Variants in IL3RA observed in about 807,000 individuals in gnomAD.
The protein encoded by IL3RA is interleukin-3 receptor subunit alpha.
Under a neutral mutation model 52.3 loss-of-function variants are expected in IL3RA, and 73 were observed. The observed-to-expected ratio is 1.40, with a 90% CI of 1.16 to 1.70. The LOEUF is 1.70. IL3RA is among the 40% of genes most tolerant of loss of function. The pLI is 0.00. For synonymous variants in IL3RA, 260 were observed against 194.0 expected, an observed-to-expected ratio of 1.34 and a Z score of -2.83; for missense variants, 664 against 504.4, an observed-to-expected ratio of 1.32 and a Z score of -3.03.
intron 8 of IL3RA, among the ~76,000 whole-genome samples, chrX:1,362,938 G>C (rs1229097818): frequency 6.6e-6 from 1 of 151,924 alleles, no homozygotes; most frequent in East Asian, 1.9e-4. Flanking sequence ...ACCACGCCTG[G>C]CTAATTTTTG....
chrX:1,344,634 G>A (rs1231876575), intron 2 of IL3RA, among the ~76,000 whole-genome samples: 14 of 150,398 alleles, frequency 9.3e-5, no homozygotes, highest in South Asian at 2.1e-4. Context: ...TTAGCCGGGC[G>A]TGGTGGTGGG....
chrX:1,363,910 C>A (rs1222719631), intron 8 of IL3RA, among the ~76,000 whole-genome samples: 2 of 151,502 alleles, frequency 1.3e-5, no homozygotes, highest in African/African-American at 4.9e-5. Context: ...TGGCTGGGCG[C>A]GGTGGCTCAC....
chrX:1,347,407 T>G (rs369694325), intron 3 of IL3RA, among the ~76,000 whole-genome samples: 1 of 151,362 alleles, frequency 6.6e-6, no homozygotes, highest in East Asian at 1.9e-4. Context: ...ATCGCGCCAC[T>G]GCACTCCAGC....
intron 11 of IL3RA, among the ~76,000 whole-genome samples, chrX:1,381,396 G>T (rs1336110503): frequency 6.6e-6 from 1 of 152,078 alleles, no homozygotes; most frequent in Non-Finnish European, 1.5e-5. Context: ...AAATGGCCTG[G>T]ACTAGGAGGC....
chrX:1,347,255 C>G (rs1390542044), intron 3 of IL3RA, among the ~76,000 whole-genome samples: 1 of 149,196 alleles, frequency 6.7e-6, no homozygotes, highest in Non-Finnish European at 1.5e-5. Context: ...ACCCTCCTGG[C>G]TAACACGGTG....
chrX:1,350,886 C>G (rs2086053002), intron 4 of IL3RA, among the ~76,000 whole-genome samples: 1 of 69,376 alleles, frequency 1.4e-5, no homozygotes, highest in Non-Finnish European at 3.1e-5. Flanking sequence ...GAAACTCTGT[C>G]TTAAACACAC....
chrX:1,343,128 GTTTGT>G (rs1330947608), intron 2 of IL3RA, among the ~76,000 whole-genome samples: 5 of 152,006 alleles, frequency 3.3e-5, no homozygotes, highest in African/African-American at 9.6e-5. Context: ...TCCCCAGACA[GTTTGT>G]TTTAAGGGAT....
rs1277821241 is a variant in IL3RA, at chrX:1,348,640, TTTTCTCTTTCTTTC to T, written c.298+101_298+114del. 1,493 of 721,696 alleles carry T rather than the reference TTTTCTCTTTCTTTC, an allele frequency of 2.1e-3. 49 individuals carry two copies. In the African/African-American group the frequency reaches 0.024, roughly 12 times the overall value. The allele number at this position is 721,696 out of a possible 1,614,324, so 44.7% of individuals were successfully genotyped here. A position where few individuals can be genotyped will look rare whatever the true frequency, so the allele number is the denominator to read the frequency against. On this transcript the variant is annotated intron_variant, in intron 4 of 11. Transcript: ENST00000331035. ...CTTCGCTGTGTCTTTTTTCTTTTCT[TTTTCTCTTTCTTTC>T]TTTCTTTCTTTCTTTCTTTCTTTCT...
At chrX:1,354,116 T>TCCCATCATGGGTCATGGGAGCC (rs1189204965) in intron 6 of IL3RA, among the ~76,000 whole-genome samples, 1 of 149,514 alleles carries the variant, frequency 6.7e-6, no homozygotes, top group African/African-American at 2.5e-5. Flanking sequence ...GGGTCATGGG[T>TCCCATCATGGGTCATGGGAGCC]CCCATCATGG....
chrX:1,360,015 A>C (rs111162406), intron 8 of IL3RA, among the ~76,000 whole-genome samples: 6,630 of 84,224 alleles, frequency 0.079, 252 homozygotes, highest in African/African-American at 0.15. Flanking sequence ...CCCGGTCTCT[A>C]TCTTCCCTTC....
intron 2 of IL3RA, 152 bp from the exon 3 acceptor site, chrX:1,345,164 A>C (rs1175129205): frequency 3.7e-6 from 2 of 539,670 alleles, no homozygotes; most frequent in Admixed American, 6.1e-5. Context: ...GTGAAACTCC[A>C]TGTCAAAAAA....
rs367747585 is a variant in IL3RA at position 1,378,663 on chromosome X, C to G, written c.879C>G (p.Cys293Trp). 3.7e-6 allele frequency: 6 copies of G among 1,611,948 alleles called. No homozygotes were observed. The highest frequency in any genetic ancestry group is 5.1e-6 in the Non-Finnish European group (6 of 1,179,610). ...SAWSTPQRFE[C>W]DQEEGANTRA... is the part of the protein sequence containing the mutation. Reference sequence around the variant, plus strand: ...CCTCTCACCCTTTACCCCTAGAGTGCGACCAGGAGGAGGGCGCAAACACAC... The same window carrying G: ...CCTCTCACCCTTTACCCCTAGAGTGGGACCAGGAGGAGGGCGCAAACACAC... Residue 293 changes from cysteine (C) to tryptophan (W), a missense_variant, in exon 10 of 12, where the codon TGC (cysteine) becomes TGG (tryptophan). Transcript: ENST00000331035.
At position 1,358,003 on chromosome X, in the gene IL3RA, G is replaced by A. The variant is rs752802139; in HGVS notation, c.733-858G>A. On this transcript the variant is annotated intron_variant, in intron 7 of 11. Coordinates refer to ENST00000331035, the MANE Select transcript of IL3RA (RefSeq NM_002183.4). ...GCCTGTAGTCCCAGCTACTTGGGAG[G>A]CTGAGGCAGGAGAATGGCGTAAACC... Among the ~76,000 whole-genome samples, 9 of 151,648 alleles carry A rather than the reference G, an allele frequency of 5.9e-5. No homozygotes were observed. In the East Asian group the frequency reaches 1.8e-3, roughly 30 times the overall value.
intron 10 of IL3RA, among the ~76,000 whole-genome samples, chrX:1,380,111 C>G (rs1397449486): frequency 6.6e-6 from 1 of 151,842 alleles, no homozygotes; most frequent in South Asian, 2.1e-4. Flanking sequence ...TCAGGCTGGT[C>G]TTGAACTCCT....
At position 1,361,458 on chromosome X, in the gene IL3RA, G is replaced by C. The variant is rs183109319; in HGVS notation, c.759+2571G>C. Reference sequence around the variant, plus strand: ...GTCTTACATGTCAGCGGGCAAGACAGAATGAGACAGTCGCCGGGCGCAGTG... The same window carrying C: ...GTCTTACATGTCAGCGGGCAAGACACAATGAGACAGTCGCCGGGCGCAGTG... On this transcript the variant is annotated intron_variant, in intron 8 of 11. Coordinates refer to ENST00000331035, the MANE Select transcript of IL3RA (RefSeq NM_002183.4). 8.5e-5 allele frequency among the ~76,000 whole-genome samples: 13 copies of C among 152,256 alleles called. No homozygotes were observed. The East Asian group carries it at 2.5e-3, about 29-fold the overall frequency.
chrX:1,377,686 G>A (rs1271116540), intron 9 of IL3RA, among the ~76,000 whole-genome samples: 1 of 142,264 alleles, frequency 7.0e-6, no homozygotes, highest in South Asian at 2.2e-4. Flanking sequence ...TTTTTTTGGA[G>A]AGAGAGTCTC....
intron 8 of IL3RA, among the ~76,000 whole-genome samples, chrX:1,361,786 G>A (rs1334234132): frequency 3.2e-4 from 48 of 148,332 alleles, no homozygotes; most frequent in Middle Eastern, 3.5e-3. Flanking sequence ...AATGAGAGCC[G>A]AGAGAAAGGT....
intron 7 of IL3RA, among the ~76,000 whole-genome samples, chrX:1,356,751 G>A (rs1372244020): frequency 2.0e-5 from 3 of 149,894 alleles, no homozygotes; most frequent in Non-Finnish European, 3.0e-5. Flanking sequence ...CAGCCTGGGC[G>A]ACAGAGCGAG....
intron 9 of IL3RA, among the ~76,000 whole-genome samples, chrX:1,366,837 GGCGTGAGCC>G (rs1233330609): frequency 3.2e-5 from 1 of 31,190 alleles, no homozygotes; most frequent in Non-Finnish European, 5.5e-5. Flanking sequence ...CGGGGTGCGC[GGCGTGAGCC>G]GGGTGCGCGG....
Sources: gnomAD v4.1 joint callset for allele counts (sites outside exome capture counted in the v4.1 genomes callset) on GRCh38, gnomAD v4.1.1 for gene constraint, MANE v1.5 for transcripts, NCBI Gene and HGNC (gene_info 2026-07-23, HGNC 2026-07-21) for gene names.